The following KLHL1 variants were observed in gnomAD, a reference collection of about 807,000 sequenced individuals.
KLHL1 encodes kelch like family member 1.
Under a neutral mutation model 77.7 loss-of-function variants are expected in KLHL1, and 47 were observed. The observed-to-expected ratio is 0.60, with a 90% CI of 0.48 to 0.77. The LOEUF (loss-of-function observed/expected upper bound fraction) is 0.77. Ranked by LOEUF, KLHL1 falls within the 30% of genes least tolerant of loss-of-function variation. The pLI, the probability that KLHL1 is intolerant of heterozygous loss-of-function variation, is 0.00. For synonymous variants in KLHL1, 360 were observed against 325.2 expected (o/e 1.11, Z -1.15); for missense variants, 925 against 910.8 (o/e 1.02, Z -0.20).
intron 5 of KLHL1, among the ~76,000 whole-genome samples, chr13:69,872,635 C>A (rs1484115895): frequency 1.3e-5 from 2 of 152,310 alleles, no homozygotes; most frequent in East Asian, 3.9e-4. Flanking sequence ...TGGGGAGACA[C>A]TCCTTTTGAG....
At chr13:69,757,957 CAAAAAAAAAAA>C (rs59302694) in intron 7 of KLHL1, among the ~76,000 whole-genome samples, 1 of 73,124 alleles carries the variant, frequency 1.4e-5, no homozygotes, top group Non-Finnish European at 2.7e-5. Flanking sequence ...AACTCCATCT[CAAAAAAAAAAA>C]AAAAAAAAAA....
intron 6 of KLHL1, among the ~76,000 whole-genome samples, chr13:69,824,499 A>C (rs954603700): frequency 2.0e-5 from 3 of 152,258 alleles, no homozygotes; most frequent in Admixed American, 2.0e-4. Flanking sequence ...CTTTATTCAT[A>C]ATAGCTAAAA....
In KLHL1 at chr13:70,030,273, C is replaced by G. The variant is rs540440383; in HGVS notation, c.498-54471G>C. ...TAGACATCTACAGAACTCTCCACCCCAGATCAGCAGAATACACATTCTTCT... is the reference window on the plus strand; with the variant it reads ...TAGACATCTACAGAACTCTCCACCCGAGATCAGCAGAATACACATTCTTCT... On this transcript the variant is annotated intron_variant, in intron 1 of 10. Transcript: ENST00000377844. 6.8e-4 allele frequency among the ~76,000 whole-genome samples: 104 copies of G among 152,296 alleles called. No individual in the cohort carries two copies. In the South Asian group the frequency reaches 0.021, roughly 31 times the overall value.
chr13:69,754,682 C>T (rs969624768), intron 7 of KLHL1, among the ~76,000 whole-genome samples: 2 of 152,138 alleles, frequency 1.3e-5, no homozygotes, highest in African/African-American at 4.8e-5. Flanking sequence ...AATACAAATG[C>T]CATCAGGCAC....
intron 1 of KLHL1, among the ~76,000 whole-genome samples, chr13:70,002,475 T>C (rs1042304874): frequency 4.6e-5 from 7 of 151,506 alleles, no homozygotes; most frequent in Non-Finnish European, 7.4e-5. Context: ...AAATATCAAG[T>C]GATCTACAGT....
In KLHL1 at chr13:69,838,958, A is replaced by G. The variant is rs550377743; in HGVS notation, c.1414+18T>C. ...TATAACACAGGATGTATAGTTATAT[A>G]AATCCAGAATTAAATACCTTTGTTG... is the stretch of plus-strand genomic sequence containing the variant. On this transcript the variant is annotated intron_variant, in intron 6 of 10. Transcript: ENST00000377844. The G allele has an allele frequency of 6.4e-7, 1 of 1,565,622 alleles. No individual in the cohort carries two copies. The highest frequency in any genetic ancestry group is 1.8e-5 in the Admixed American group (1 of 55,482).
chr13:69,867,965 C>T (rs1880435118), intron 5 of KLHL1, among the ~76,000 whole-genome samples: 2 of 151,926 alleles, frequency 1.3e-5, no homozygotes. Context: ...AACTAACCTG[C>T]ACGTTGTGCA....
At chr13:69,789,018 TC>T (rs1876718602) in intron 7 of KLHL1, among the ~76,000 whole-genome samples, 1 of 2,654 alleles carries the variant, frequency 3.8e-4, no homozygotes, top group Non-Finnish European at 1.0e-3. Flanking sequence ...TCCACAGGAC[TC>T]TATCTATCTA....
chr13:69,981,792 TAAAA>T (rs1022278029), intron 1 of KLHL1, among the ~76,000 whole-genome samples: 2 of 146,670 alleles, frequency 1.4e-5, no homozygotes, highest in Non-Finnish European at 1.5e-5. Flanking sequence ...GTGCCCAAAA[TAAAA>T]AAAAATCTAA....
In KLHL1 at chr13:69,796,890, C is replaced by T. The variant is rs190310337; in HGVS notation, c.1487G>A (p.Arg496Lys). Reference sequence around the variant, plus strand: ...AATAACAGCCACACCAAACTGCAGCCTTCTGCCATTCATCATCCCTGCCTG... The same window carrying T: ...AATAACAGCCACACCAAACTGCAGCTTTCTGCCATTCATCATCCCTGCCTG... ...WIQAGMMNGR[R>K]LQFGVAVIDD... The change falls in exon 7 of 11, where the codon AGG becomes AAG. Residue 496 changes from arginine (R) to lysine (K), a missense_variant. Arg to Lys is a conservative substitution (Grantham distance 26). Transcript: ENST00000377844. 9.3e-6 allele frequency: 15 copies of T among 1,614,126 alleles called. No individual in the cohort carries two copies. In the East Asian group the frequency reaches 3.1e-4, roughly 34 times the overall value.
intron 2 of KLHL1, among the ~76,000 whole-genome samples, chr13:69,971,790 T>C (rs1353330031): frequency 6.6e-6 from 1 of 152,066 alleles, no homozygotes; most frequent in East Asian, 1.9e-4. Context: ...TTGAAAACTC[T>C]ACAAGGAAAA....
chr13:69,935,904 A>C lies in KLHL1; in HGVS notation c.1014+4136T>G, dbSNP rs562965247. 3.3e-5 allele frequency among the ~76,000 whole-genome samples: 5 copies of C among 152,338 alleles called. No homozygotes were observed. In the South Asian group the frequency reaches 1.0e-3, roughly 32 times the overall value. The stretch of plus-strand genomic sequence containing the variant: ...TACTAGACACTTTGATGGAACAAAA[A>C]AATTCAATGGAGAATGCTTCTTCTC... On this transcript the variant is annotated intron_variant, in intron 4 of 10. Coordinates refer to ENST00000377844, the MANE Select transcript of KLHL1 (RefSeq NM_020866.3).
chr13:69,796,661 C>A (rs910315554), intron 7 of KLHL1, 77 bp downstream of exon 7: 3 of 1,049,886 alleles, frequency 2.9e-6, no homozygotes, highest in African/African-American at 3.2e-5. Context: ...AGACAGACAT[C>A]AATAATATAT....
chr13:70,005,116 AG>A (rs1398890283), intron 1 of KLHL1, among the ~76,000 whole-genome samples: 1 of 151,904 alleles, frequency 6.6e-6, no homozygotes, highest in Non-Finnish European at 1.5e-5. Flanking sequence ...TTATAAAACA[AG>A]TATATACATA....
intron 1 of KLHL1, among the ~76,000 whole-genome samples, chr13:70,088,424 A>G (rs995299540): frequency 6.6e-6 from 1 of 152,208 alleles, no homozygotes; most frequent in African/African-American, 2.4e-5. Context: ...TTACACCTGT[A>G]ATTTCAACAC....
At chr13:70,103,232 G>A (rs1317805634) in intron 1 of KLHL1, among the ~76,000 whole-genome samples, 4 of 152,078 alleles carry the variant, frequency 2.6e-5, no homozygotes, top group African/African-American at 7.2e-5. Context: ...GAGTTCCAGA[G>A]GCAGTGAAAA....
rs527555775 is a variant in KLHL1, at chr13:70,108,051, G to A, written c.-352C>T. The A allele has an allele frequency of 1.4e-5, 6 of 425,000 alleles. No homozygotes were observed. The South Asian group carries it at 4.2e-4, about 30-fold the overall frequency. 26.3% of individuals were successfully genotyped at this position (425,000 alleles called of 1,614,324 possible). On this transcript the variant is annotated 5_prime_UTR_variant, in exon 1 of 11. Transcript: ENST00000377844. ...CAACCCTTAGGCTGGAGATGCGCGAGGGAGGGAGGTCTGAGCGCTCCGAAG... is the reference window on the plus strand; with the variant it reads ...CAACCCTTAGGCTGGAGATGCGCGAAGGAGGGAGGTCTGAGCGCTCCGAAG...
At chr13:69,938,789 C>T (rs1202340019) in intron 4 of KLHL1, among the ~76,000 whole-genome samples, 4 of 152,010 alleles carry the variant, frequency 2.6e-5, no homozygotes, top group Non-Finnish European at 4.4e-5. Context: ...ATATCTTCTT[C>T]CTTTTATTTC....
At chr13:69,784,897 T>C (rs1876433664) in intron 7 of KLHL1, among the ~76,000 whole-genome samples, 1 of 135,528 alleles carries the variant, frequency 7.4e-6, no homozygotes, top group Admixed American at 7.3e-5. Context: ...TTTTTTTTTT[T>C]TTTTTTTTTT....
Sources: allele counts gnomAD v4.1 joint callset (sites outside exome capture counted in the v4.1 genomes callset), GRCh38; gene constraint gnomAD v4.1.1; transcripts MANE v1.5; gene names NCBI Gene and HGNC (gene_info 2026-07-23, HGNC 2026-07-21).